The following NCOA3 variants were observed in gnomAD, a reference collection of about 807,000 sequenced individuals.
NCOA3 encodes the protein nuclear receptor coactivator 3, also known as CBP-interacting protein.
Under a neutral mutation model 158.8 loss-of-function variants are expected in NCOA3, and 51 were observed. That is an observed-to-expected ratio of 0.32 (90% confidence interval 0.26 to 0.41). The LOEUF (loss-of-function observed/expected upper bound fraction) is 0.41, where lower values mean the gene tolerates loss of function less well. Among genes scored for constraint, NCOA3 ranks in the 10% least tolerant of loss-of-function variants. The probability of loss-of-function intolerance (pLI) is 1.00; values close to 1 mark genes in which losing one functional copy is unlikely to be tolerated. For missense variants in NCOA3, 1,510 were observed against 1,746.6 expected (o/e 0.86, Z 2.41); for synonymous variants, 537 against 592.4 (o/e 0.91, Z 1.36).
rs753569552 is a variant in NCOA3, at chr20:47,634,031, G to T, written c.965-17G>T. 1 of 1,613,686 alleles carries T rather than the reference G, an allele frequency of 6.2e-7. No homozygotes were observed. On this transcript the variant is annotated splice_polypyrimidine_tract_variant and intron_variant, in intron 9 of 22. Transcript: ENST00000371998. Reference sequence around the variant, plus strand: ...TGCTGACTGTAGTTACCAGTGATGGGATATTTTCCCCAACAGCTTATCTTA... The same window carrying T: ...TGCTGACTGTAGTTACCAGTGATGGTATATTTTCCCCAACAGCTTATCTTA...
intron 22 of NCOA3, 74 bp from the exon 23 acceptor site, chr20:47,653,332 G>C: frequency 6.5e-7 from 1 of 1,536,434 alleles, no homozygotes; most frequent in Non-Finnish European, 8.8e-7. Flanking sequence ...TGTGGACATG[G>C]GTATTTTTTT....
At chr20:47,620,224 GT>G (rs1173493941) in intron 2 of NCOA3, among the ~76,000 whole-genome samples, 3 of 152,126 alleles carry the variant, frequency 2.0e-5, no homozygotes, top group Non-Finnish European at 4.4e-5. Context: ...CAGTCTTCCT[GT>G]TTTATTCCTA....
At chr20:47,614,981 G>T (rs1419162394) in intron 2 of NCOA3, among the ~76,000 whole-genome samples, 2 of 152,132 alleles carry the variant, frequency 1.3e-5, no homozygotes, top group Non-Finnish European at 1.5e-5. Flanking sequence ...AGTACAAATG[G>T]CTTGTTTTGG....
intron 2 of NCOA3, among the ~76,000 whole-genome samples, chr20:47,588,423 C>T (rs2085572514): frequency 6.6e-6 from 1 of 152,002 alleles, no homozygotes; most frequent in Non-Finnish European, 1.5e-5. Flanking sequence ...GAGTGAGCCA[C>T]CACGCCCGAC....
intron 1 of NCOA3, among the ~76,000 whole-genome samples, chr20:47,513,312 CT>C (rs1282229543): frequency 6.6e-5 from 10 of 152,254 alleles, no homozygotes; most frequent in Admixed American, 6.5e-4. Flanking sequence ...AGAGAAGCTG[CT>C]TACTTACCAT....
intron 2 of NCOA3, among the ~76,000 whole-genome samples, chr20:47,620,146 T>C (rs1220402839): frequency 6.6e-6 from 1 of 151,964 alleles, no homozygotes; most frequent in Non-Finnish European, 1.5e-5. Context: ...AGAGTCTCAC[T>C]CGGTCACCCA....
chr20:47,540,589 A>T (rs1278101668), intron 1 of NCOA3, among the ~76,000 whole-genome samples: 1 of 143,208 alleles, frequency 7.0e-6, no homozygotes, highest in Non-Finnish European at 1.5e-5. Flanking sequence ...AAAAAAAAAA[A>T]TTCAAATATC....
At chr20:47,510,873 G>C (rs928956825) in intron 1 of NCOA3, among the ~76,000 whole-genome samples, 1 of 152,182 alleles carries the variant, frequency 6.6e-6, no homozygotes. Flanking sequence ...GTGAGCCATC[G>C]TGCCCAGTAT....
intron 2 of NCOA3, among the ~76,000 whole-genome samples, chr20:47,600,855 C>A (rs1052292881): frequency 1.3e-4 from 20 of 149,640 alleles, no homozygotes; most frequent in African/African-American, 2.4e-5. Flanking sequence ...AAAATTGTAT[C>A]TTGAATTTAG....
intron 1 of NCOA3, among the ~76,000 whole-genome samples, chr20:47,506,766 GT>G (rs1461780785): frequency 4.5e-5 from 2 of 44,592 alleles, no homozygotes; most frequent in Non-Finnish European, 1.3e-4. Context: ...GAACATCTGT[GT>G]CTTTTTTTTT....
chr20:47,651,424 A>G lies in NCOA3; in HGVS notation c.3946+148A>G. ...AACCAAATTAATTTAAATGATTGGA[A>G]AACAAAAATGCTGCAGCACACAGGT... On this transcript the variant is annotated intron_variant, in intron 20 of 22. Coordinates refer to ENST00000371998, the MANE Select transcript of NCOA3 (RefSeq NM_181659.3). 7 of 1,318,666 alleles carry G rather than the reference A, an allele frequency of 5.3e-6. No homozygotes were observed. In the South Asian group the frequency reaches 7.7e-5, roughly 15 times the overall value. 81.7% of individuals were successfully genotyped at this position (1,318,666 alleles called of 1,614,324 possible). A position where few individuals can be genotyped will look rare whatever the true frequency, so the allele number is the denominator to read the frequency against.
chr20:47,512,356 G>A (rs979163766), intron 1 of NCOA3, among the ~76,000 whole-genome samples: 2 of 151,806 alleles, frequency 1.3e-5, no homozygotes, highest in South Asian at 4.2e-4. Flanking sequence ...GGATCGTGAG[G>A]TCAAGAGATC....
intron 1 of NCOA3, among the ~76,000 whole-genome samples, chr20:47,525,788 C>T (rs3092535): frequency 8.1e-5 from 7 of 86,910 alleles, no homozygotes; most frequent in Middle Eastern, 0.012. Flanking sequence ...CCCTCCCAGA[C>T]GGGGCGGCTG....
At chr20:47,570,825 G>A (rs1182083375) in intron 1 of NCOA3, among the ~76,000 whole-genome samples, 2 of 151,188 alleles carry the variant, frequency 1.3e-5, no homozygotes, top group African/African-American at 2.4e-5. Context: ...CATAATCCAT[G>A]GGATGCAGAA....
chr20:47,504,585 AC>A (rs2083996184), intron 1 of NCOA3, among the ~76,000 whole-genome samples: 2 of 149,458 alleles, frequency 1.3e-5, no homozygotes, highest in Non-Finnish European at 1.5e-5. Flanking sequence ...CTGGTGGATC[AC>A]GAGGTCAGGA....
At position 47,655,925 on chromosome 20, in the gene NCOA3, T is replaced by G. The variant is rs1439836220; in HGVS notation, c.*2508T>G. 1.3e-5 allele frequency: 2 copies of G among 152,442 alleles called. No individual in the cohort carries two copies. The highest frequency in any genetic ancestry group is 2.9e-5 in the Non-Finnish European group (2 of 67,974). The allele number at this position is 152,442 out of a possible 1,614,324, so 9.4% of individuals were successfully genotyped here. Reference sequence around the variant, plus strand: ...GTTCATTTGGTGCAAACTCAAGATTTCTTTTAATAGGTGCAGTCTTTGAGA... The same window carrying G: ...GTTCATTTGGTGCAAACTCAAGATTGCTTTTAATAGGTGCAGTCTTTGAGA... On this transcript the variant is annotated 3_prime_UTR_variant, in exon 23 of 23. Coordinates refer to ENST00000371998, the MANE Select transcript of NCOA3 (RefSeq NM_181659.3).
At chr20:47,629,510 T>C (rs927885287) in intron 8 of NCOA3, among the ~76,000 whole-genome samples, 25 of 152,170 alleles carry the variant, frequency 1.6e-4, no homozygotes, top group Non-Finnish European at 1.5e-5. Context: ...TTTACATTTT[T>C]AGTAGAGACA....
In NCOA3 at chr20:47,645,468, C is replaced by G. The variant is rs569338706; in HGVS notation, c.3253-1605C>G. On this transcript the variant is annotated intron_variant, in intron 17 of 22. Transcript: ENST00000371998. ...GCACATAAGTCTAAGTTTTTCTGTT[C>G]TGTTGAGCTGGTTCCTACTTCTCTA... is the stretch of plus-strand genomic sequence containing the variant. 5.3e-5 allele frequency among the ~76,000 whole-genome samples: 8 copies of G among 152,238 alleles called. No homozygotes were observed. In the East Asian group the frequency reaches 1.5e-3, roughly 29 times the overall value.
chr20:47,512,557 ACT>A lies in NCOA3; in HGVS notation c.-99+10541_-99+10542del, dbSNP rs563739888. Among the ~76,000 whole-genome samples, 13 of 146,034 alleles carry A rather than the reference ACT, an allele frequency of 8.9e-5. No homozygotes were observed. The East Asian group carries it at 1.2e-3, about 13-fold the overall frequency. Reference sequence around the variant, plus strand: ...CACTCGAACGTGGCAACAGAGTGAGACTCTGTCTCACTAAAAAAAAAAAAAAA... The same window carrying A: ...CACTCGAACGTGGCAACAGAGTGAGACTGTCTCACTAAAAAAAAAAAAAAA... On this transcript the variant is annotated intron_variant, in intron 1 of 22. Transcript: ENST00000371998.
Sources: gnomAD v4.1 joint callset for allele counts (sites outside exome capture counted in the v4.1 genomes callset) on GRCh38, gnomAD v4.1.1 for gene constraint, MANE v1.5 for transcripts, NCBI Gene and HGNC (gene_info 2026-07-23, HGNC 2026-07-21) for gene names.